Variants in NEDD4 observed in about 807,000 individuals in gnomAD.
NEDD4 encodes NEDD4 E3 ubiquitin protein ligase, also known as E3 ubiquitin-protein ligase NEDD4.
In NEDD4, 99 loss-of-function variants were observed where a neutral mutation model predicts 144.9. The observed-to-expected ratio is 0.68, with a 90% confidence interval of 0.58 to 0.81. NEDD4 has a LOEUF of 0.81. Ranked by LOEUF, NEDD4 falls within the 30% of genes least tolerant of loss-of-function variation. The pLI, the probability that NEDD4 is intolerant of heterozygous loss-of-function variation, is 0.00. For synonymous variants in NEDD4, 318 were observed against 350.6 expected (o/e 0.91, Z 1.04); for missense variants, 985 against 1,065.9 (o/e 0.92, Z 1.06).
Position 55,833,012 on chromosome 15 carries a change from T to C in NEDD4, c.2523A>G (p.Leu841=). ...SRVPMNGFAE[L]YGSNGPQSFT... ...TGATCTATGGAAAATCCTTACCGTA[T>C]AGTTCAGCAAATCCATTCATAGGCA... is the stretch of plus-strand genomic sequence containing the variant. The change falls in exon 27 of 29, where the codon CTA becomes CTG. Residue 841 remains leucine (L), a synonymous_variant. Coordinates refer to ENST00000435532, the MANE Select transcript of NEDD4 (RefSeq NM_006154.4). 1.2e-6 allele frequency: 2 copies of C among 1,607,062 alleles called. No individual in the cohort carries two copies. The highest frequency in any genetic ancestry group is 1.7e-6 in the Non-Finnish European group (2 of 1,174,132).
At chr15:55,857,782 T>TA (rs1438856272) in intron 11 of NEDD4, among the ~76,000 whole-genome samples, 3 of 152,002 alleles carry the variant, frequency 2.0e-5, no homozygotes, top group African/African-American at 7.2e-5. Flanking sequence ...AAAAATTTTT[T>TA]AAAAAAATTA....
intron 5 of NEDD4, among the ~76,000 whole-genome samples, chr15:55,896,325 G>C (rs2035737983): frequency 6.6e-6 from 1 of 152,150 alleles, no homozygotes; most frequent in Admixed American, 6.5e-5. Context: ...TGGGATTAGA[G>C]ACATGCACCG....
At chr15:55,870,145 G>T (rs188793395) in intron 7 of NEDD4, among the ~76,000 whole-genome samples, 94 of 152,336 alleles carry the variant, frequency 6.2e-4, no homozygotes, top group African/African-American at 2.2e-3. Context: ...GACTACAGGA[G>T]ATTGGGATGG....
chr15:55,885,533 T>TA (rs1296005505), intron 5 of NEDD4, among the ~76,000 whole-genome samples: 8 of 150,654 alleles, frequency 5.3e-5, no homozygotes, highest in Admixed American at 2.0e-4. Flanking sequence ...TAAATAGAAA[T>TA]AAAAAAAAAG....
rs141281865 is a variant in NEDD4, at chr15:55,828,429, T to C, written c.*1468A>G. 1.3e-5 allele frequency: 2 copies of C among 152,344 alleles called. No individual in the cohort carries two copies. The highest frequency in any genetic ancestry group is 3.9e-4 in the East Asian group (2 of 5,194). 9.4% of individuals were successfully genotyped at this position (152,344 alleles called of 1,614,324 possible). A position where few individuals can be genotyped will look rare whatever the true frequency, so the allele number is the denominator to read the frequency against. On this transcript the variant is annotated 3_prime_UTR_variant, in exon 29 of 29. Coordinates refer to ENST00000435532, the MANE Select transcript of NEDD4 (RefSeq NM_006154.4). ...TCATTCCAATATAAGGATGAAACAA[T>C]ATAAGTATGAAATATAAATACAGTC...
At chr15:55,978,033 A>C (rs1198955996) in intron 1 of NEDD4, among the ~76,000 whole-genome samples, 1 of 152,198 alleles carries the variant, frequency 6.6e-6, no homozygotes, top group Non-Finnish European at 1.5e-5. Flanking sequence ...TTCAGGTAGC[A>C]GTTATAATTT....
At chr15:55,888,119 G>A (rs2035450760) in intron 5 of NEDD4, among the ~76,000 whole-genome samples, 1 of 151,990 alleles carries the variant, frequency 6.6e-6, no homozygotes, top group South Asian at 2.1e-4. Flanking sequence ...AATGTAGTAA[G>A]GGAAGTCCTA....
chr15:55,965,967 T>C (rs963217274), intron 2 of NEDD4, among the ~76,000 whole-genome samples: 16 of 152,216 alleles, frequency 1.1e-4, no homozygotes, highest in African/African-American at 3.4e-4. Flanking sequence ...TGATTTTTAA[T>C]TGAACCAAAG....
chr15:55,964,011 A>G (rs971039722), intron 2 of NEDD4, among the ~76,000 whole-genome samples: 9 of 152,010 alleles, frequency 5.9e-5, no homozygotes, highest in South Asian at 2.1e-4. Context: ...ATAAAGTGTC[A>G]TATTTTTCTC....
At chr15:55,968,751 C>G (rs933490688) in intron 1 of NEDD4, among the ~76,000 whole-genome samples, 1 of 151,954 alleles carries the variant, frequency 6.6e-6, no homozygotes, top group Non-Finnish European at 1.5e-5. Flanking sequence ...AAATAAAAAC[C>G]CAGGAACTGT....
At position 55,860,478 on chromosome 15, in the gene NEDD4, G is replaced by T; in HGVS notation, c.889C>A (p.Leu297Ile). The change falls in exon 11 of 29, where the codon CTT becomes ATT. Residue 297 changes from leucine (L) to isoleucine (I), a missense_variant. Physicochemically the swap from Leu to Ile is conservative, Grantham distance 5. Coordinates refer to ENST00000435532, the MANE Select transcript of NEDD4 (RefSeq NM_006154.4). ...AGTCTGGCATTCAATTCTTCTGCAAGATGAGTTGGAACATCCAAGTTACTT... is the reference window on the plus strand; with the variant it reads ...AGTCTGGCATTCAATTCTTCTGCAATATGAGTTGGAACATCCAAGTTACTT... ...PSSNLDVPTHLAEELNARLTI... is the reference protein window; with the variant it reads ...PSSNLDVPTHIAEELNARLTI... 1 of 1,614,170 alleles carries T rather than the reference G, an allele frequency of 6.2e-7. No individual in the cohort carries two copies.
At chr15:55,963,371 C>G (rs1476835629) in intron 2 of NEDD4, among the ~76,000 whole-genome samples, 3 of 151,944 alleles carry the variant, frequency 2.0e-5, no homozygotes, top group African/African-American at 7.2e-5. Context: ...GGCTCAAGTT[C>G]CTGGCTTTTT....
chr15:55,947,652 G>C (rs938906214), intron 4 of NEDD4, among the ~76,000 whole-genome samples: 1 of 152,094 alleles, frequency 6.6e-6, no homozygotes, highest in African/African-American at 2.4e-5. Flanking sequence ...TTCAACATAC[G>C]CAATCAATAA....
chr15:55,969,853 G>A (rs1240990553), intron 1 of NEDD4, among the ~76,000 whole-genome samples: 3 of 151,818 alleles, frequency 2.0e-5, no homozygotes, highest in African/African-American at 7.3e-5. Context: ...GCGGCCACAG[G>A]GAGACTCCTG....
At chr15:55,892,960 CACAA>C (rs2035620009) in intron 5 of NEDD4, among the ~76,000 whole-genome samples, 1 of 151,964 alleles carries the variant, frequency 6.6e-6, no homozygotes, top group Non-Finnish European at 1.5e-5. Flanking sequence ...CTTTTGCTAC[CACAA>C]ACAATGCCTC....
chr15:55,874,105 T>C (rs1325799184), intron 5 of NEDD4, 97 bp from the exon 6 acceptor site: 1 of 572,904 alleles, frequency 1.7e-6, no homozygotes, highest in South Asian at 3.0e-5. Context: ...AAATGTAGAG[T>C]TTTTTTTTTA....
intron 5 of NEDD4, among the ~76,000 whole-genome samples, chr15:55,890,788 T>C (rs1192511881): frequency 6.6e-6 from 1 of 152,202 alleles, no homozygotes; most frequent in Non-Finnish European, 1.5e-5. Context: ...TTTCAATTCC[T>C]CCCCTTTCTT....
intron 5 of NEDD4, among the ~76,000 whole-genome samples, chr15:55,890,195 A>T (rs1473377955): frequency 6.6e-6 from 1 of 152,242 alleles, no homozygotes; most frequent in African/African-American, 2.4e-5. Context: ...AAATAAAAAA[A>T]GCTTTATTAA....
At chr15:55,915,827 G>A (rs753137897) in intron 5 of NEDD4, 4 of 1,613,728 alleles carry the variant, frequency 2.5e-6, no homozygotes, top group Non-Finnish European at 3.4e-6. Flanking sequence ...TTACTTCTCC[G>A]GGGGTACAAA....
Sources: allele counts gnomAD v4.1 joint callset (sites outside exome capture counted in the v4.1 genomes callset), GRCh38; gene constraint gnomAD v4.1.1; transcripts MANE v1.5; gene names NCBI Gene and HGNC (gene_info 2026-07-23, HGNC 2026-07-21).